Variants in LRRIQ1 observed in about 807,000 individuals in gnomAD.
The protein encoded by LRRIQ1 is leucine-rich repeat- and IQ domain-containing protein 1.
Under a neutral mutation model 211.9 loss-of-function variants are expected in LRRIQ1, and 210 were observed. That is an observed-to-expected ratio of 0.99 (90% confidence interval 0.89 to 1.11). The LOEUF (loss-of-function observed/expected upper bound fraction) is 1.11. Among genes scored for constraint, LRRIQ1 ranks in the 50% most tolerant of loss-of-function variants. The probability of loss-of-function intolerance (pLI) is 0.00; values close to 1 mark genes in which losing one functional copy is unlikely to be tolerated. For missense variants in LRRIQ1, 2,136 were observed against 1,939.5 expected, an observed-to-expected ratio of 1.10 and a Z score of -1.90; for synonymous variants, 699 against 650.1, an observed-to-expected ratio of 1.08 and a Z score of -1.14.
At chr12:85,135,148 T>C (rs932950002) in intron 18 of LRRIQ1, among the ~76,000 whole-genome samples, 2 of 152,002 alleles carry the variant, frequency 1.3e-5, no homozygotes, top group Non-Finnish European at 2.9e-5. Flanking sequence ...AGCAACTCCC[T>C]TCTTTTTCTT....
chr12:85,189,443 G>A (rs977965238), intron 24 of LRRIQ1, among the ~76,000 whole-genome samples: 8 of 151,884 alleles, frequency 5.3e-5, no homozygotes, highest in African/African-American at 1.9e-4. Flanking sequence ...TACAAGTAAA[G>A]GTAGGGAAAA....
intron 24 of LRRIQ1, among the ~76,000 whole-genome samples, chr12:85,189,455 CA>C (rs1035325737): frequency 2.0e-5 from 3 of 151,538 alleles, no homozygotes; most frequent in Non-Finnish European, 4.4e-5. Flanking sequence ...TAGGGAAAAA[CA>C]AAAAACAAGT....
chr12:85,095,287 T>C (rs1885773509), intron 11 of LRRIQ1, among the ~76,000 whole-genome samples: 1 of 152,120 alleles, frequency 6.6e-6, no homozygotes, highest in African/African-American at 2.4e-5. Context: ...AGTTATGTTC[T>C]TTAAGTGCCT....
chr12:85,051,581 A>G (rs931543947), intron 6 of LRRIQ1, among the ~76,000 whole-genome samples: 3 of 152,164 alleles, frequency 2.0e-5, no homozygotes, highest in Non-Finnish European at 4.4e-5. Context: ...TTCATGATCT[A>G]ATTATCATGC....
intron 25 of LRRIQ1, 85 bp from the exon 26 acceptor site, chr12:85,232,611 C>A: frequency 1.8e-6 from 2 of 1,092,858 alleles, no homozygotes; most frequent in Admixed American, 2.4e-5. Flanking sequence ...ACGAATTTCT[C>A]TCAAGCTTTT....
chr12:85,234,805 A>G (rs1431175228), intron 26 of LRRIQ1, among the ~76,000 whole-genome samples: 1 of 152,246 alleles, frequency 6.6e-6, no homozygotes, highest in Non-Finnish European at 1.5e-5. Flanking sequence ...GAAAGTTATC[A>G]AATGTTAGAA....
downstream of LRRIQ1, among the ~76,000 whole-genome samples, chr12:85,245,888 T>TAG (rs1370810469): frequency 1.3e-3 from 189 of 150,704 alleles, 2 homozygotes; most frequent in African/African-American, 4.3e-3. Context: ...CATATATATA[T>TAG]AGAGAGAGAG....
In LRRIQ1 at chr12:85,066,693, T is replaced by G; in HGVS notation, c.2545-55T>G. 3 of 1,383,816 alleles carry G rather than the reference T, an allele frequency of 2.2e-6. No homozygotes were observed. The South Asian group carries it at 4.1e-5, about 19-fold the overall frequency. 85.7% of individuals were successfully genotyped at this position (1,383,816 alleles called of 1,614,324 possible). A position where few individuals can be genotyped will look rare whatever the true frequency, so the allele number is the denominator to read the frequency against. On this transcript the variant is annotated intron_variant, in intron 9 of 26. Transcript: ENST00000393217. ...CTTTCCTCTTTTTGAAAGCTTTAAATAGTTCATTAATAAGCCATTGAAATA... is the reference window on the plus strand; with the variant it reads ...CTTTCCTCTTTTTGAAAGCTTTAAAGAGTTCATTAATAAGCCATTGAAATA...
chr12:85,261,765 TTTTATTTATTTA>T (rs375693906), intron 1 of LRRIQ1, among the ~76,000 whole-genome samples: 115 of 139,664 alleles, frequency 8.2e-4, no homozygotes, highest in South Asian at 3.5e-3. Flanking sequence ...TTTTTGTTTA[TTTTATTTATTTA>T]TTTATTTATT....
intron 19 of LRRIQ1, among the ~76,000 whole-genome samples, chr12:85,147,077 G>A (rs1349010645): frequency 6.6e-6 from 1 of 151,806 alleles, no homozygotes; most frequent in Non-Finnish European, 1.5e-5. Flanking sequence ...CAGACTATCA[G>A]TTCATTGTTG....
intron 18 of LRRIQ1, among the ~76,000 whole-genome samples, chr12:85,131,999 C>T (rs1268376941): frequency 1.3e-5 from 2 of 152,012 alleles, no homozygotes; most frequent in Non-Finnish European, 2.9e-5. Flanking sequence ...TGACCCTAAG[C>T]AGATTCATGA....
In LRRIQ1 at chr12:85,229,570, C is replaced by T. The variant is rs1395676; in HGVS notation, c.4876C>T (p.Arg1626Trp). The T allele has an allele frequency of 5.1e-5, 82 of 1,611,800 alleles. No homozygotes were observed. Among genetic ancestry groups the T allele is most frequent in the Middle Eastern group, 3.3e-4 (2 of 6,054 alleles). The change falls in exon 25 of 27, where the codon CGG becomes TGG. Residue 1626 changes from arginine (R) to tryptophan (W), a missense_variant. By Grantham distance (101) the Arg-to-Trp change is moderately radical (BLOSUM62 -3). Transcript: ENST00000393217. ...TACCACTGCAAATGAAAAATTAGAACGGAATAGAGAATATACATACCAATG... is the reference window on the plus strand; with the variant it reads ...TACCACTGCAAATGAAAAATTAGAATGGAATAGAGAATATACATACCAATG... ...KDTTANEKLERNREYTYQWLH... is the reference protein window; with the variant it reads ...KDTTANEKLEWNREYTYQWLH...
intron 24 of LRRIQ1, among the ~76,000 whole-genome samples, chr12:85,175,821 T>C (rs564897192): frequency 1.3e-5 from 2 of 152,296 alleles, no homozygotes; most frequent in East Asian, 1.9e-4. Context: ...GTTGGAGATA[T>C]GCGGCATTAT....
At chr12:85,186,313 G>T (rs1892226908) in intron 24 of LRRIQ1, among the ~76,000 whole-genome samples, 1 of 152,162 alleles carries the variant, frequency 6.6e-6, no homozygotes, top group Admixed American at 6.6e-5. Flanking sequence ...TTCTTAAAGT[G>T]TATAGGGAAT....
chr12:85,204,970 C>A (rs1003726159), intron 24 of LRRIQ1, among the ~76,000 whole-genome samples: 2 of 152,160 alleles, frequency 1.3e-5, no homozygotes, highest in African/African-American at 4.8e-5. Flanking sequence ...GCCCAAATCT[C>A]ATCTCAAATT....
chr12:85,202,742 C>T (rs1893356255), intron 24 of LRRIQ1, among the ~76,000 whole-genome samples: 1 of 152,186 alleles, frequency 6.6e-6, no homozygotes, highest in South Asian at 2.1e-4. Flanking sequence ...ATACAGCTTG[C>T]CACTCTGTGC....
chr12:85,264,892 C>A (rs992722329), downstream of LRRIQ1, among the ~76,000 whole-genome samples: 2 of 151,976 alleles, frequency 1.3e-5, no homozygotes, highest in Non-Finnish European at 2.9e-5. Flanking sequence ...TCTGTAAATA[C>A]CCCATCCCAC....
intron 11 of LRRIQ1, among the ~76,000 whole-genome samples, chr12:85,075,751 C>G (rs887111086): frequency 2.0e-5 from 3 of 151,886 alleles, no homozygotes; most frequent in Non-Finnish European, 2.9e-5. Context: ...CCTGCATTCC[C>G]AGCTACTCGG....
intron 11 of LRRIQ1, among the ~76,000 whole-genome samples, chr12:85,097,817 C>G (rs1032763968): frequency 2.0e-5 from 3 of 152,056 alleles, no homozygotes; most frequent in South Asian, 2.1e-4. Flanking sequence ...GAAGGCTCAT[C>G]TAATATTTTG....
Sources: gnomAD v4.1 joint callset for allele counts (sites outside exome capture counted in the v4.1 genomes callset) on GRCh38, gnomAD v4.1.1 for gene constraint, MANE v1.5 for transcripts, NCBI Gene and HGNC (gene_info 2026-07-23, HGNC 2026-07-21) for gene names.